Variants in PPID observed in about 807,000 individuals in gnomAD.
PPID encodes the protein peptidylprolyl isomerase D, also known as peptidyl-prolyl cis-trans isomerase D.
PPID carries 47 observed loss-of-function variants against 48.1 expected under a neutral mutation model. The ratio of observed to expected loss-of-function variants is 0.98; its 90% CI spans 0.77 to 1.25. PPID has a LOEUF of 1.25. PPID is among the 50% of genes most tolerant of loss of function. The probability of loss-of-function intolerance (pLI) is 0.00; values close to 1 mark genes in which losing one functional copy is unlikely to be tolerated. For missense variants in PPID, 429 were observed against 443.5 expected (o/e 0.97, Z 0.29); for synonymous variants, 163 against 148.8 (o/e 1.10, Z -0.69).
intron 3 of PPID, among the ~76,000 whole-genome samples, chr4:158,718,805 C>A (rs1379736249): frequency 1.3e-5 from 2 of 152,100 alleles, no homozygotes; most frequent in Admixed American, 6.5e-5. Flanking sequence ...TGTGCAAATC[C>A]CCTGACATCC....
chr4:158,722,682 T>C (rs1423854467), intron 1 of PPID, among the ~76,000 whole-genome samples: 2 of 152,228 alleles, frequency 1.3e-5, no homozygotes, highest in African/African-American at 4.8e-5. Context: ...AATGGCAAAT[T>C]AAGAGAAAAT....
rs531853472 is a variant in PPID, at chr4:158,710,275, G to A, written c.1024+353C>T. On this transcript the variant is annotated intron_variant, in intron 9 of 9. Coordinates refer to ENST00000307720, the MANE Select transcript of PPID (RefSeq NM_005038.3). ...AAATGTTAAATTTACCATGAATACT[G>A]TGTCTTACAATGCTGAGCTCTCGAC... The A allele has an allele frequency of 4.0e-5, 15 of 378,462 alleles. No individual in the cohort carries two copies. In the East Asian group the frequency reaches 7.9e-4, roughly 20 times the overall value. The allele number at this position is 378,462 out of a possible 1,614,324, so 23.4% of individuals were successfully genotyped here.
At chr4:158,721,019 A>G (rs1274233226) in intron 2 of PPID, among the ~76,000 whole-genome samples, 2 of 152,194 alleles carry the variant, frequency 1.3e-5, no homozygotes, top group Admixed American at 1.3e-4. Context: ...CGGTCTATGC[A>G]TAACTTTTTT....
rs1211094428 is a variant in PPID at position 158,715,651 on chromosome 4, C to A, written c.556G>T (p.Glu186Ter). Residue 186 changes from glutamate (E) to a stop codon, truncating the protein, a stop_gained, in exon 5 of 10, where the codon GAA (glutamate) becomes TAA (stop). Transcript: ENST00000307720. LOFTEE classifies it high-confidence loss of function. ...GGGAATATTCCCCCGTCATCTCCTT[C>A]CTTCAATTCTCCACATTCTGCAATA... ...CVIAECGELK[E>*]GDDGGIFPKD... 1.9e-6 allele frequency: 3 copies of A among 1,610,314 alleles called. No homozygotes were observed. Among genetic ancestry groups the A allele is most frequent in the East Asian group, 4.5e-5 (2 of 44,870 alleles).
Position 158,715,386 on chromosome 4 carries a change from TAATAA to T in PPID, c.658_662del (p.Leu220AsnfsTer23). On this transcript the variant is annotated frameshift_variant, in exon 6 of 10. Coordinates refer to ENST00000307720, the MANE Select transcript of PPID (RefSeq NM_005038.3). LOFTEE classifies it high-confidence loss of function. ...CAATGTTTTTTAAGTCTTCTGTTAT[TAATAA>T]AATTTTATCTACCTGTATAAAAAAA... 1 of 1,519,540 alleles carries T rather than the reference TAATAA, an allele frequency of 6.6e-7. No homozygotes were observed. Among genetic ancestry groups the T allele is most frequent in the Non-Finnish European group, 8.8e-7 (1 of 1,132,682 alleles). 94.1% of individuals were successfully genotyped at this position (1,519,540 alleles called of 1,614,324 possible).
chr4:158,710,603 T>G (rs1435107763), intron 9 of PPID, 25 bp downstream of exon 9: 1 of 1,607,744 alleles, frequency 6.2e-7, no homozygotes, highest in Admixed American at 1.7e-5. Flanking sequence ...AAAATTAACT[T>G]TCACTACAAA....
chr4:158,715,666 A>C lies in PPID; in HGVS notation c.541T>G (p.Cys181Gly), dbSNP rs756250902. 2.7e-5 allele frequency: 44 copies of C among 1,609,770 alleles called. No individual in the cohort carries two copies. In the Middle Eastern group the frequency reaches 9.9e-4, roughly 36 times the overall value. ...TCATCTCCTTCCTTCAATTCTCCAC[A>C]TTCTGCAATAACGCACAACTGTAAA... ...KPAKLCVIAE[C>G]GELKEGDDGG... is the part of the protein sequence containing the mutation. Residue 181 changes from cysteine (C) to glycine (G), a missense_variant, in exon 5 of 10, where the codon TGT (cysteine) becomes GGT (glycine). Transcript: ENST00000307720.
chr4:158,718,110 A>G (rs551718602), intron 3 of PPID, among the ~76,000 whole-genome samples: 24 of 152,200 alleles, frequency 1.6e-4, no homozygotes, highest in Non-Finnish European at 3.2e-4. Context: ...TCTCTATGTC[A>G]ATGTGATCAT....
At position 158,715,634 on chromosome 4, in the gene PPID, T is replaced by TC; in HGVS notation, c.572dup (p.Ile192AsnfsTer16). The TC allele has an allele frequency of 6.2e-7, 1 of 1,611,006 alleles. No homozygotes were observed. Among genetic ancestry groups the TC allele is most frequent in the Non-Finnish European group, 8.5e-7 (1 of 1,177,156 alleles). ...CGCCAGAGCCATCTTTTGGGAATATTCCCCCGTCATCTCCTTCCTTCAATT... is the reference window on the plus strand; with the variant it reads ...CGCCAGAGCCATCTTTTGGGAATATTCCCCCCGTCATCTCCTTCCTTCAATT... On this transcript the variant is annotated frameshift_variant, in exon 5 of 10. Coordinates refer to ENST00000307720, the MANE Select transcript of PPID (RefSeq NM_005038.3). LOFTEE classifies it high-confidence loss of function.
intron 1 of PPID, among the ~76,000 whole-genome samples, chr4:158,721,708 T>C (rs2126341618): frequency 6.6e-6 from 1 of 152,310 alleles, no homozygotes; most frequent in South Asian, 2.1e-4. Context: ...CTAACTGAAA[T>C]TAGGTCTCTC....
chr4:158,722,312 A>T (rs902906461), intron 1 of PPID, among the ~76,000 whole-genome samples: 1 of 151,806 alleles, frequency 6.6e-6, no homozygotes, highest in Non-Finnish European at 1.5e-5. Flanking sequence ...AAAATTAAAC[A>T]GTCTTTGGGT....
chr4:158,709,683 T>C lies in PPID; in HGVS notation c.*53A>G. ...ATATTCATAGACAAAAACCTTTACATTTTCTTATTGCATTTATACAATCAA... is the reference window on the plus strand; with the variant it reads ...ATATTCATAGACAAAAACCTTTACACTTTCTTATTGCATTTATACAATCAA... On this transcript the variant is annotated 3_prime_UTR_variant, in exon 10 of 10. Transcript: ENST00000307720. 1 of 1,352,506 alleles carries C rather than the reference T, an allele frequency of 7.4e-7. No individual in the cohort carries two copies. Among genetic ancestry groups the C allele is most frequent in the Non-Finnish European group, 1.0e-6 (1 of 958,330 alleles). 83.8% of individuals were successfully genotyped at this position (1,352,506 alleles called of 1,614,324 possible).
intron 7 of PPID, among the ~76,000 whole-genome samples, chr4:158,712,490 C>T (rs1183360919): frequency 1.3e-5 from 2 of 152,184 alleles, no homozygotes; most frequent in African/African-American, 4.8e-5. Flanking sequence ...TTCACGGTGG[C>T]TCACACCTGT....
At chr4:158,715,781 AGATT>A in intron 4 of PPID, 97 bp from the exon 5 acceptor site, 2 of 1,366,404 alleles carry the variant, frequency 1.5e-6, no homozygotes, top group Non-Finnish European at 2.0e-6. Flanking sequence ...TCCAATTCAC[AGATT>A]TATGTGAGAA....
intron 7 of PPID, 85 bp from the exon 8 acceptor site, chr4:158,710,933 C>A (rs1774780780): frequency 7.4e-6 from 9 of 1,212,404 alleles, no homozygotes; most frequent in Middle Eastern, 2.1e-4. Flanking sequence ...CAACTCCAAA[C>A]CCATCCTTCA....
At chr4:158,722,840 C>A (rs1216568201) in intron 1 of PPID, among the ~76,000 whole-genome samples, 1 of 152,184 alleles carries the variant, frequency 6.6e-6, no homozygotes, top group Non-Finnish European at 1.5e-5. Context: ...GCCCAGCAGA[C>A]GCATATCCCA....
chr4:158,714,224 A>G (rs1429647523), intron 6 of PPID, among the ~76,000 whole-genome samples: 1 of 152,226 alleles, frequency 6.6e-6, no homozygotes, highest in African/African-American at 2.4e-5. Flanking sequence ...AGAAATTCAT[A>G]CAATTTCACG....
At chr4:158,713,032 G>C in intron 7 of PPID, 87 bp downstream of exon 7, 1 of 1,374,508 alleles carries the variant, frequency 7.3e-7, no homozygotes. Flanking sequence ...TATGCAATAA[G>C]ATATATTAAT....
Position 158,719,254 on chromosome 4 carries a change from A to C in PPID, c.259T>G (p.Phe87Val), listed in dbSNP as rs763989732. Reference protein sequence around the residue: ...IKKFMIQGGDFSNQNGTGGES... With the variant: ...IKKFMIQGGDVSNQNGTGGES... ...CCACCTGTCCCATTCTGATTTGAGA[A>C]GTCTCCACCCTGAATCATAAATTTC... Residue 87 changes from phenylalanine to valine, a missense_variant, in exon 3 of 10, where the codon TTC (phenylalanine) becomes GTC (valine). Phe to Val is a conservative substitution (Grantham distance 50). Coordinates refer to ENST00000307720, the MANE Select transcript of PPID (RefSeq NM_005038.3). The C allele has an allele frequency of 6.2e-7, 1 of 1,610,822 alleles. No homozygotes were observed.
Sources: gnomAD v4.1 joint callset for allele counts (sites outside exome capture counted in the v4.1 genomes callset) on GRCh38, gnomAD v4.1.1 for gene constraint, MANE v1.5 for transcripts, NCBI Gene and HGNC (gene_info 2026-07-23, HGNC 2026-07-21) for gene names.